Variants in PPP3CA observed in about 807,000 individuals in gnomAD.
PPP3CA encodes protein phosphatase 3 catalytic subunit alpha.
Under a neutral mutation model 66.5 loss-of-function variants are expected in PPP3CA, and 14 were observed. That is an observed-to-expected ratio of 0.21 (90% confidence interval 0.14 to 0.33). PPP3CA has a LOEUF of 0.33. PPP3CA is among the 10% of genes least tolerant of loss of function. The pLI, the probability that PPP3CA is intolerant of heterozygous loss-of-function variation, is 1.00. For missense variants in PPP3CA, 317 were observed against 639.5 expected (o/e 0.50, Z 5.44); for synonymous variants, 232 against 226.2 (o/e 1.03, Z -0.23).
chr4:101,332,610 T>C (rs1162416647), intron 1 of PPP3CA, among the ~76,000 whole-genome samples: 2 of 152,198 alleles, frequency 1.3e-5, no homozygotes, highest in African/African-American at 4.8e-5. Flanking sequence ...AAAAAGCATG[T>C]CTTTCAAAGG....
chr4:101,257,154 C>T (rs1726870378), intron 1 of PPP3CA, among the ~76,000 whole-genome samples: 1 of 151,894 alleles, frequency 6.6e-6, no homozygotes, highest in Non-Finnish European at 1.5e-5. Context: ...TTAAATACTT[C>T]CATGTTATTG....
chr4:101,023,556 A>C lies in PPP3CA; in HGVS notation c.*2309T>G, dbSNP rs1351859164. The C allele has an allele frequency of 6.6e-6, 1 of 152,380 alleles. No individual in the cohort carries two copies. Among genetic ancestry groups the C allele is most frequent in the Non-Finnish European group, 1.5e-5 (1 of 68,042 alleles). 9.4% of individuals were successfully genotyped at this position (152,380 alleles called of 1,614,324 possible). On this transcript the variant is annotated 3_prime_UTR_variant, in exon 14 of 14. Coordinates refer to ENST00000394854, the MANE Select transcript of PPP3CA (RefSeq NM_000944.5). ...TTTCTCTGCAGTTATAAGAAAGAAA[A>C]TAAACACCATGATACCAGAATCACC...
chr4:101,255,035 CAAAAAA>C, intron 1 of PPP3CA, among the ~76,000 whole-genome samples: 1 of 44,722 alleles, frequency 2.2e-5, no homozygotes, highest in Non-Finnish European at 5.0e-5. Context: ...AGTCCCGTCT[CAAAAAA>C]AAAAAAAAAA....
At chr4:101,188,206 T>C (rs1224987237) in intron 2 of PPP3CA, among the ~76,000 whole-genome samples, 1 of 152,056 alleles carries the variant, frequency 6.6e-6, no homozygotes, top group African/African-American at 2.4e-5. Context: ...AATACTATCT[T>C]GAATATGACA....
At chr4:101,207,707 T>C (rs915569104) in intron 1 of PPP3CA, among the ~76,000 whole-genome samples, 1 of 152,072 alleles carries the variant, frequency 6.6e-6, no homozygotes, top group Non-Finnish European at 1.5e-5. Context: ...GCGCCTGTAA[T>C]CCCAGCTACT....
At chr4:101,240,032 T>G (rs1223452700) in intron 1 of PPP3CA, among the ~76,000 whole-genome samples, 3 of 34,176 alleles carry the variant, frequency 8.8e-5, no homozygotes, top group Non-Finnish European at 6.1e-4. Context: ...TTTTTTTGGT[T>G]TTTTTTTGGG....
intron 2 of PPP3CA, among the ~76,000 whole-genome samples, chr4:101,111,796 G>A (rs528507111): frequency 1.3e-5 from 2 of 152,060 alleles, no homozygotes; most frequent in Admixed American, 1.3e-4. Flanking sequence ...TGTTAATATC[G>A]TAACAAGCTT....
At chr4:101,211,957 C>T (rs1725311707) in intron 1 of PPP3CA, among the ~76,000 whole-genome samples, 2 of 152,084 alleles carry the variant, frequency 1.3e-5, no homozygotes, top group African/African-American at 4.8e-5. Context: ...GTTTCATCAC[C>T]TGTAGAATGG....
intron 2 of PPP3CA, among the ~76,000 whole-genome samples, chr4:101,189,264 T>G (rs1479029001): frequency 6.6e-6 from 1 of 152,154 alleles, no homozygotes; most frequent in Non-Finnish European, 1.5e-5. Context: ...TAATTTACTA[T>G]GTACAAATCA....
intron 10 of PPP3CA, among the ~76,000 whole-genome samples, chr4:101,047,992 T>C (rs1727842557): frequency 6.6e-6 from 1 of 152,096 alleles, no homozygotes; most frequent in African/African-American, 2.4e-5. Flanking sequence ...ATCTCTTTAA[T>C]GATAAAGAGG....
intron 1 of PPP3CA, among the ~76,000 whole-genome samples, chr4:101,286,929 C>T (rs1253111510): frequency 2.0e-5 from 3 of 151,718 alleles, no homozygotes; most frequent in Non-Finnish European, 2.9e-5. Flanking sequence ...GATCAGTTTT[C>T]GACAGCTGGG....
intron 1 of PPP3CA, among the ~76,000 whole-genome samples, chr4:101,309,870 A>G (rs1373349980): frequency 6.6e-6 from 1 of 152,362 alleles, no homozygotes; most frequent in East Asian, 1.9e-4. Flanking sequence ...AGTGTGCTAC[A>G]CATTCCCCTA....
At chr4:101,242,908 C>T (rs903167688) in intron 1 of PPP3CA, among the ~76,000 whole-genome samples, 3 of 152,166 alleles carry the variant, frequency 2.0e-5, no homozygotes, top group South Asian at 4.1e-4. Flanking sequence ...GCCTAGGTAA[C>T]ACAGAGAAAC....
chr4:101,312,173 A>C (rs1728742704), intron 1 of PPP3CA, among the ~76,000 whole-genome samples: 1 of 152,192 alleles, frequency 6.6e-6, no homozygotes, highest in African/African-American at 2.4e-5. Flanking sequence ...TGAATAATAA[A>C]GTAAATATAC....
In PPP3CA at chr4:101,179,907, T is replaced by C. The variant is rs115498710; in HGVS notation, c.259+16009A>G. 3.6e-3 allele frequency among the ~76,000 whole-genome samples: 546 copies of C among 152,214 alleles called. 4 individuals are homozygous for C. The highest frequency in any genetic ancestry group is 0.013 in the African/African-American group (524 of 41,534). On this transcript the variant is annotated intron_variant, in intron 2 of 13. Coordinates refer to ENST00000394854, the MANE Select transcript of PPP3CA (RefSeq NM_000944.5). ...TTCTGAAGAATCACTCAGGTCTACA[T>C]TCAAATACAAACATACTCAAAACCT...
At chr4:101,060,969 C>A in intron 10 of PPP3CA, 118 bp downstream of exon 10, 1 of 842,928 alleles carries the variant, frequency 1.2e-6, no homozygotes, top group South Asian at 1.6e-5. Context: ...CTTTTATTCT[C>A]AATAATGTTA....
At chr4:101,070,287 G>T (rs1199403530) in intron 8 of PPP3CA, among the ~76,000 whole-genome samples, 1 of 152,074 alleles carries the variant, frequency 6.6e-6, no homozygotes, top group East Asian at 1.9e-4. Context: ...GAGGGAAAAA[G>T]AGAGGAAAGA....
chr4:101,330,214 T>C, intron 1 of PPP3CA: 1 of 413,960 alleles, frequency 2.4e-6, no homozygotes, highest in South Asian at 1.8e-5. Flanking sequence ...AGGGAGTAAC[T>C]GCATATGTGG....
intron 1 of PPP3CA, among the ~76,000 whole-genome samples, chr4:101,337,564 C>CA (rs1253841226): frequency 2.0e-5 from 3 of 152,166 alleles, no homozygotes; most frequent in African/African-American, 7.2e-5. Flanking sequence ...CAGAAGCTAA[C>CA]AGTGAGATTT....
Sources: allele counts gnomAD v4.1 joint callset (sites outside exome capture counted in the v4.1 genomes callset), GRCh38; gene constraint gnomAD v4.1.1; transcripts MANE v1.5; gene names NCBI Gene and HGNC (gene_info 2026-07-23, HGNC 2026-07-21).